The following PTPRD variants were observed in gnomAD, a reference collection of about 807,000 sequenced individuals.
PTPRD encodes the protein receptor-type tyrosine-protein phosphatase delta.
In PTPRD, 34 loss-of-function variants were observed where a neutral mutation model predicts 214.5. That is an observed-to-expected ratio of 0.16 (90% CI 0.12 to 0.21). The LOEUF is 0.21. PTPRD is among the 10% of genes least tolerant of loss of function. PTPRD has a pLI of 1.00. For missense variants in PTPRD, 2,545 were observed against 2,398.7 expected, an observed-to-expected ratio of 1.06 and a Z score of -1.27; for synonymous variants, 1,128 against 845.7, an observed-to-expected ratio of 1.33 and a Z score of -5.79.
chr9:10,107,002 A>C (rs1367064692), intron 3 of PTPRD, among the ~76,000 whole-genome samples: 1 of 151,942 alleles, frequency 6.6e-6, no homozygotes, highest in Non-Finnish European at 1.5e-5. Flanking sequence ...AGCTGAATGA[A>C]GGGATGAGGA....
intron 14 of PTPRD, among the ~76,000 whole-genome samples, chr9:8,609,721 G>C (rs147014606): frequency 2.6e-5 from 4 of 152,076 alleles, no homozygotes; most frequent in Non-Finnish European, 4.4e-5. Context: ...CTAATAGCTG[G>C]TTATAGGTAC....
At chr9:10,017,763 TTATTA>T (rs1270485925) in intron 4 of PTPRD, among the ~76,000 whole-genome samples, 1 of 152,164 alleles carries the variant, frequency 6.6e-6, no homozygotes, top group African/African-American at 2.4e-5. Context: ...ACACATTTTC[TTATTA>T]TATTTATTTA....
chr9:8,332,009 G>A (rs575682702), intron 43 of PTPRD, among the ~76,000 whole-genome samples: 1 of 152,038 alleles, frequency 6.6e-6, no homozygotes, highest in African/African-American at 2.4e-5. Flanking sequence ...CTCGTTAGTA[G>A]CCATCCACAT....
intron 3 of PTPRD, among the ~76,000 whole-genome samples, chr9:10,305,022 C>T (rs1055444800): frequency 2.0e-5 from 3 of 151,058 alleles, no homozygotes; most frequent in African/African-American, 7.3e-5. Flanking sequence ...TACAAGGCTA[C>T]ATCAAAACAG....
At chr9:10,132,565 T>A (rs534315264) in intron 3 of PTPRD, among the ~76,000 whole-genome samples, 38 of 152,148 alleles carry the variant, frequency 2.5e-4, no homozygotes, top group South Asian at 2.1e-4. Flanking sequence ...TCAGTACACA[T>A]ACTTGGAGTG....
intron 37 of PTPRD, among the ~76,000 whole-genome samples, chr9:8,380,911 C>G (rs2084863952): frequency 6.6e-6 from 1 of 152,072 alleles, no homozygotes; most frequent in South Asian, 2.1e-4. Context: ...GAAAACAAAA[C>G]CTCCTCATCT....
chr9:10,553,674 C>A (rs2061841805), intron 2 of PTPRD, among the ~76,000 whole-genome samples: 1 of 151,976 alleles, frequency 6.6e-6, no homozygotes, highest in Non-Finnish European at 1.5e-5. Context: ...TCAAACAAAT[C>A]CAATTCATTT....
intron 5 of PTPRD, among the ~76,000 whole-genome samples, chr9:9,881,180 T>A (rs548834294): frequency 5.3e-5 from 8 of 152,306 alleles, no homozygotes; most frequent in African/African-American, 1.2e-4. Context: ...TAGTTTTTTT[T>A]AATTGGCTAA....
At chr9:9,876,617 G>A (rs1322195098) in intron 5 of PTPRD, among the ~76,000 whole-genome samples, 1 of 152,162 alleles carries the variant, frequency 6.6e-6, no homozygotes, top group East Asian at 1.9e-4. Flanking sequence ...ATGAGAATTA[G>A]TGCAGTGGCA....
At chr9:9,485,225 C>G (rs2095578283) in intron 8 of PTPRD, among the ~76,000 whole-genome samples, 1 of 152,120 alleles carries the variant, frequency 6.6e-6, no homozygotes, top group Admixed American at 6.5e-5. Flanking sequence ...AAAATTGAAG[C>G]ATAATCCACT....
chr9:9,127,165 C>G (rs921629379), intron 10 of PTPRD, among the ~76,000 whole-genome samples: 2 of 152,146 alleles, frequency 1.3e-5, no homozygotes, highest in African/African-American at 4.8e-5. Context: ...GCTGACTCAC[C>G]TCATGTGCAC....
chr9:9,676,873 C>T (rs965302499), intron 7 of PTPRD, among the ~76,000 whole-genome samples: 1 of 152,114 alleles, frequency 6.6e-6, no homozygotes, highest in Non-Finnish European at 1.5e-5. Flanking sequence ...TCTCTGATGG[C>T]CAGTGATGAT....
At chr9:8,826,086 CCT>C (rs2097169483) in intron 11 of PTPRD, among the ~76,000 whole-genome samples, 1 of 152,066 alleles carries the variant, frequency 6.6e-6, no homozygotes, top group Non-Finnish European at 1.5e-5. Context: ...GGTTCACAGG[CCT>C]CTGACAATTC....
intron 11 of PTPRD, among the ~76,000 whole-genome samples, chr9:8,792,045 A>T (rs1411901782): frequency 2.0e-5 from 3 of 152,150 alleles, no homozygotes; most frequent in African/African-American, 7.2e-5. Flanking sequence ...TGTCACAATC[A>T]TTTCTTAAGG....
chr9:9,460,407 GA>G (rs1589033912), intron 8 of PTPRD, among the ~76,000 whole-genome samples: 1 of 152,126 alleles, frequency 6.6e-6, no homozygotes, highest in East Asian at 1.9e-4. Context: ...CCTGCAGAAT[GA>G]GAGAAAACTT....
chr9:9,661,015 T>C (rs983611312), intron 7 of PTPRD, among the ~76,000 whole-genome samples: 2 of 151,980 alleles, frequency 1.3e-5, no homozygotes, highest in Non-Finnish European at 2.9e-5. Context: ...GATCTAAATG[T>C]CCATTTTTTG....
At chr9:10,356,838 C>A (rs886172094) in intron 2 of PTPRD, among the ~76,000 whole-genome samples, 1 of 152,078 alleles carries the variant, frequency 6.6e-6, no homozygotes, top group Middle Eastern at 3.4e-3. Context: ...TGCCACCATG[C>A]CCGGCTAATT....
intron 2 of PTPRD, among the ~76,000 whole-genome samples, chr9:10,585,376 T>C (rs1301874174): frequency 3.9e-5 from 6 of 151,976 alleles, no homozygotes; most frequent in Admixed American, 2.6e-4. Flanking sequence ...CTAAATCTCA[T>C]CCAGACATCT....
chr9:9,891,697 C>G (rs2073396117), intron 5 of PTPRD, among the ~76,000 whole-genome samples: 1 of 151,778 alleles, frequency 6.6e-6, no homozygotes, highest in Non-Finnish European at 1.5e-5. Context: ...ACACTATTTC[C>G]TATTTATAAG....
Sources: allele counts gnomAD v4.1 joint callset (sites outside exome capture counted in the v4.1 genomes callset), GRCh38; gene constraint gnomAD v4.1.1; transcripts MANE v1.5; gene names NCBI Gene and HGNC (gene_info 2026-07-23, HGNC 2026-07-21).